Variants in FOXN3 observed in about 807,000 individuals in gnomAD.
FOXN3 encodes the protein forkhead box N3, also known as forkhead box protein N3.
A neutral mutation model predicts 38.4 loss-of-function variants in FOXN3; 7 were observed. The ratio of observed to expected loss-of-function variants is 0.18; its 90% CI spans 0.10 to 0.34. The LOEUF is 0.34. Ranked by LOEUF, FOXN3 falls within the 10% of genes least tolerant of loss-of-function variation. The probability of loss-of-function intolerance (pLI) is 1.00; values close to 1 mark genes in which losing one functional copy is unlikely to be tolerated. For missense variants in FOXN3, 456 were observed against 613.4 expected (o/e 0.74, Z 2.71); for synonymous variants, 230 against 242.2 (o/e 0.95, Z 0.47).
chr14:89,503,638 T>A (rs1171637513), intron 1 of FOXN3, among the ~76,000 whole-genome samples: 2 of 152,216 alleles, frequency 1.3e-5, no homozygotes, highest in Non-Finnish European at 2.9e-5. Context: ...ATAGAGCCAC[T>A]TCCCCATCTG....
chr14:89,200,219 T>C (rs770540293), intron 4 of FOXN3, among the ~76,000 whole-genome samples: 2 of 152,188 alleles, frequency 1.3e-5, no homozygotes, highest in Non-Finnish European at 2.9e-5. Flanking sequence ...AAACTCTAAA[T>C]GAAGAATGTA....
At chr14:89,431,158 G>C (rs942501704) in intron 1 of FOXN3, among the ~76,000 whole-genome samples, 4 of 152,190 alleles carry the variant, frequency 2.6e-5, no homozygotes, top group African/African-American at 9.7e-5. Flanking sequence ...CCTACTGACA[G>C]CAATGTGGTT....
intron 4 of FOXN3, among the ~76,000 whole-genome samples, chr14:89,244,910 G>C (rs1335685793): frequency 6.6e-6 from 1 of 152,156 alleles, no homozygotes; most frequent in Non-Finnish European, 1.5e-5. Flanking sequence ...TAACCTACCA[G>C]ATGCCAAGCA....
At chr14:89,495,830 C>T (rs1450191186) in intron 1 of FOXN3, among the ~76,000 whole-genome samples, 1 of 152,180 alleles carries the variant, frequency 6.6e-6, no homozygotes, top group Non-Finnish European at 1.5e-5. Context: ...TACACTGAGG[C>T]TCCAAAAATC....
intron 1 of FOXN3, among the ~76,000 whole-genome samples, chr14:89,499,806 T>G (rs1893759136): frequency 6.6e-6 from 1 of 152,202 alleles, no homozygotes; most frequent in Non-Finnish European, 1.5e-5. Flanking sequence ...CTCTTTTTCT[T>G]TCTTGTCCTA....
intron 1 of FOXN3, among the ~76,000 whole-genome samples, chr14:89,450,663 G>A (rs1302919446): frequency 6.6e-6 from 1 of 150,658 alleles, no homozygotes; most frequent in Non-Finnish European, 1.5e-5. Context: ...TCGGCTCACT[G>A]TAACATCCGC....
intron 3 of FOXN3, among the ~76,000 whole-genome samples, chr14:89,292,067 C>G (rs1246269853): frequency 6.6e-6 from 1 of 152,224 alleles, no homozygotes; most frequent in Admixed American, 6.5e-5. Context: ...GCACCGTCAC[C>G]TCCTCTTTTC....
intron 2 of FOXN3, among the ~76,000 whole-genome samples, chr14:89,355,535 C>A (rs1038320054): frequency 2.0e-5 from 3 of 152,200 alleles, no homozygotes; most frequent in South Asian, 2.1e-4. Flanking sequence ...CTACGCCCAG[C>A]CTATACTTTA....
At chr14:89,220,925 A>G (rs1039135390) in intron 4 of FOXN3, among the ~76,000 whole-genome samples, 1 of 152,142 alleles carries the variant, frequency 6.6e-6, no homozygotes, top group African/African-American at 2.4e-5. Context: ...GACAGCAAGG[A>G]AAAAAATAAA....
chr14:89,413,776 A>AGAAGAAGGAAG (rs1891611251), intron 1 of FOXN3, among the ~76,000 whole-genome samples: 1 of 146,604 alleles, frequency 6.8e-6, no homozygotes, highest in Non-Finnish European at 1.5e-5. Context: ...GAAGAAGGAA[A>AGAAGAAGGAAG]AAAAGAAGGG....
Position 89,350,717 on chromosome 14 carries a change from G to T in FOXN3, c.635C>A (p.Pro212Gln). 6.2e-7 allele frequency: 1 copy of T among 1,602,550 alleles called. No individual in the cohort carries two copies. The highest frequency in any genetic ancestry group is 1.1e-5 in the South Asian group (1 of 89,158). The change falls in exon 3 of 6, where the codon CCA becomes CAA. Residue 212 changes from proline to glutamine, a missense_variant. Physicochemically the swap from Pro to Gln is moderately conservative, Grantham distance 76. Transcript: ENST00000557258. ...GGTGGGAGGTGTATTGAACACGTGT[G>T]GGTGTGGGTGATAAGGTGTCTTTTT... Reference protein sequence around the residue: ...ALKKTPYHPHPHVFNTPPTCP... With the variant: ...ALKKTPYHPHQHVFNTPPTCP...
At chr14:89,336,578 G>C (rs117596586) in intron 3 of FOXN3, among the ~76,000 whole-genome samples, 1 of 152,186 alleles carries the variant, frequency 6.6e-6, no homozygotes, top group African/African-American at 2.4e-5. Flanking sequence ...TCAGCCATCT[G>C]CAAGCTGTGT....
chr14:89,580,945 G>A (rs1487348032), intron 1 of FOXN3, among the ~76,000 whole-genome samples: 1 of 152,064 alleles, frequency 6.6e-6, no homozygotes, highest in Non-Finnish European at 1.5e-5. Context: ...CACTTTGGGA[G>A]GCCGAGGTAG....
At chr14:89,489,726 A>G (rs1363258089) in intron 1 of FOXN3, among the ~76,000 whole-genome samples, 1 of 152,168 alleles carries the variant, frequency 6.6e-6, no homozygotes, top group East Asian at 1.9e-4. Context: ...CAGGCTTCCA[A>G]CTCCAAAACC....
intron 1 of FOXN3, among the ~76,000 whole-genome samples, chr14:89,513,001 G>A (rs1236437471): frequency 1.3e-5 from 2 of 151,850 alleles, no homozygotes; most frequent in African/African-American, 2.4e-5. Flanking sequence ...TTAGCCGGAC[G>A]CAGTGGCAGG....
intron 1 of FOXN3, among the ~76,000 whole-genome samples, chr14:89,436,547 C>T (rs902181877): frequency 1.1e-4 from 16 of 152,184 alleles, no homozygotes; most frequent in African/African-American, 3.9e-4. Context: ...CCATCGTCTG[C>T]GCCAGAGGCA....
At chr14:89,437,385 T>G (rs906251171) in intron 1 of FOXN3, among the ~76,000 whole-genome samples, 1 of 152,106 alleles carries the variant, frequency 6.6e-6, no homozygotes, top group Non-Finnish European at 1.5e-5. Context: ...TGGGCCCATT[T>G]CTACCTCCAA....
intron 1 of FOXN3, among the ~76,000 whole-genome samples, chr14:89,600,972 A>C (rs1307674861): frequency 1.3e-5 from 2 of 152,254 alleles, no homozygotes; most frequent in African/African-American, 4.8e-5. Flanking sequence ...TCCATGAAGC[A>C]AACAACATAA....
intron 1 of FOXN3, among the ~76,000 whole-genome samples, chr14:89,560,719 G>C (rs140050138): frequency 6.6e-5 from 10 of 152,302 alleles, no homozygotes; most frequent in Admixed American, 6.5e-4. Context: ...CAAAAGAAAA[G>C]TAAAAGAAAA....
Sources: gnomAD v4.1 joint callset for allele counts (sites outside exome capture counted in the v4.1 genomes callset) on GRCh38, gnomAD v4.1.1 for gene constraint, MANE v1.5 for transcripts, NCBI Gene and HGNC (gene_info 2026-07-23, HGNC 2026-07-21) for gene names.